Variants in KALRN observed in about 807,000 individuals in gnomAD.
KALRN encodes kalirin.
A neutral mutation model predicts 353.7 loss-of-function variants in KALRN; 70 were observed. The ratio of observed to expected loss-of-function variants is 0.20; its 90% confidence interval spans 0.16 to 0.24. KALRN has a LOEUF of 0.24. Among genes scored for constraint, KALRN ranks in the 10% least tolerant of loss-of-function variants. The pLI is 1.00. For missense variants in KALRN, 2,791 were observed against 3,756.7 expected (o/e 0.74, Z 6.72); for synonymous variants, 1,391 against 1,434.8 (o/e 0.97, Z 0.69).
intron 5 of KALRN, among the ~76,000 whole-genome samples, chr3:124,290,299 A>G (rs1368993007): frequency 2.6e-5 from 4 of 152,178 alleles, no homozygotes; most frequent in Non-Finnish European, 5.9e-5. Context: ...TTCAGAAAGG[A>G]CTGCATCTGA....
intron 1 of KALRN, among the ~76,000 whole-genome samples, chr3:124,221,479 C>T (rs767480187): frequency 1.2e-4 from 19 of 152,242 alleles, no homozygotes; most frequent in Middle Eastern, 3.4e-3. Flanking sequence ...GGGGAGTAAA[C>T]GAAAACACAT....
At chr3:124,064,017 A>C (rs886874571) in intron 1 of KALRN, among the ~76,000 whole-genome samples, 3 of 152,192 alleles carry the variant, frequency 2.0e-5, no homozygotes, top group Non-Finnish European at 2.9e-5. Flanking sequence ...GATTTTAGAC[A>C]ATTGTTAGAA....
chr3:124,643,985 A>G (rs536895509), intron 37 of KALRN, among the ~76,000 whole-genome samples: 4 of 152,342 alleles, frequency 2.6e-5, no homozygotes, highest in African/African-American at 7.2e-5. Flanking sequence ...ATTAGTACCT[A>G]AAGAGTAGCT....
At chr3:124,453,153 G>A (rs1044217712) in intron 21 of KALRN, among the ~76,000 whole-genome samples, 9 of 152,186 alleles carry the variant, frequency 5.9e-5, no homozygotes, top group African/African-American at 2.2e-4. Context: ...GAATCAAGTA[G>A]ATTCTATTTT....
intron 10 of KALRN, among the ~76,000 whole-genome samples, chr3:124,349,720 T>TA (rs916205819): frequency 4.0e-4 from 59 of 147,024 alleles, no homozygotes; most frequent in African/African-American, 4.7e-4. Flanking sequence ...TTTACCACAA[T>TA]AAAAAAAAAA....
chr3:124,346,773 A>G (rs2082302555), intron 9 of KALRN, among the ~76,000 whole-genome samples: 1 of 152,190 alleles, frequency 6.6e-6, no homozygotes, highest in Non-Finnish European at 1.5e-5. Context: ...TACTGCCCAA[A>G]CTGCTACTAC....
intron 10 of KALRN, among the ~76,000 whole-genome samples, chr3:124,371,824 G>C (rs201379177): frequency 6.6e-6 from 1 of 152,246 alleles, no homozygotes; most frequent in East Asian, 1.9e-4. Flanking sequence ...GTTGTTTTAA[G>C]ATATACAATA....
chr3:124,685,946 C>T (rs1227793468), intron 51 of KALRN, among the ~76,000 whole-genome samples: 1 of 152,166 alleles, frequency 6.6e-6, no homozygotes, highest in Non-Finnish European at 1.5e-5. Context: ...CAACCCCACC[C>T]CCATGCTGTC....
intron 34 of KALRN, among the ~76,000 whole-genome samples, chr3:124,566,629 C>G (rs1379939566): frequency 1.3e-5 from 2 of 152,228 alleles, no homozygotes; most frequent in East Asian, 1.9e-4. Flanking sequence ...CTTTCCCTGT[C>G]TCTCTGGGGT....
intron 34 of KALRN, among the ~76,000 whole-genome samples, chr3:124,623,399 T>TACACACAC (rs372330681): frequency 8.9e-4 from 122 of 136,510 alleles, no homozygotes; most frequent in East Asian, 5.2e-3. Flanking sequence ...TATTTATTTA[T>TACACACAC]ACACACACAC....
rs532237568 is a variant in KALRN at position 124,425,465 on chromosome 3, T to C, written c.2709+2487T>C. On this transcript the variant is annotated intron_variant, in intron 15 of 59. Transcript: ENST00000682506. ...GGTTTTCCTGACCTCAGCAGTACCA[T>C]GTATGAGAGGATAGGAGCAGGCATG... is the stretch of plus-strand genomic sequence containing the variant. Among the ~76,000 whole-genome samples the C allele has an allele frequency of 2.0e-5, 3 of 152,264 alleles. No homozygotes were observed. In the South Asian group the frequency reaches 6.2e-4, roughly 32 times the overall value.
At chr3:124,270,824 G>GT (rs777615656) in intron 5 of KALRN, among the ~76,000 whole-genome samples, 13,116 of 77,350 alleles carry the variant, frequency 0.17, 1,565 homozygotes, top group Non-Finnish European at 0.24. Flanking sequence ...TTTTTGTTTT[G>GT]TTTTTTTTTT....
intron 29 of KALRN, 106 bp downstream of exon 29, chr3:124,488,421 AAG>A (rs2062789217): frequency 1.3e-6 from 1 of 763,156 alleles, no homozygotes; most frequent in Admixed American, 2.1e-5. Flanking sequence ...GCAAGGCTGG[AAG>A]AGAGAAGAAA....
At chr3:124,524,992 T>C (rs1430250594) in intron 33 of KALRN, among the ~76,000 whole-genome samples, 1 of 152,182 alleles carries the variant, frequency 6.6e-6, no homozygotes. Context: ...GCTTCGTGAA[T>C]AGAATCACAA....
intron 1 of KALRN, among the ~76,000 whole-genome samples, chr3:124,054,408 G>A: frequency 2.6e-5 from 1 of 37,972 alleles, no homozygotes; most frequent in Non-Finnish European, 9.8e-5. Flanking sequence ...AGAAGCCTCT[G>A]GAGGCAAATG....
At chr3:124,159,091 C>T (rs1310966857) in intron 1 of KALRN, among the ~76,000 whole-genome samples, 1 of 152,046 alleles carries the variant, frequency 6.6e-6, no homozygotes, top group Non-Finnish European at 1.5e-5. Flanking sequence ...GGGGTCTTCT[C>T]ATAGTCCCCT....
chr3:124,555,742 T>C (rs2071167046), intron 33 of KALRN, among the ~76,000 whole-genome samples: 1 of 152,178 alleles, frequency 6.6e-6, no homozygotes, highest in South Asian at 2.1e-4. Context: ...TCATGGAATT[T>C]ATTCACTCGC....
intron 45 of KALRN, among the ~76,000 whole-genome samples, chr3:124,664,354 T>TGCGC (rs2085280809): frequency 8.3e-6 from 1 of 120,182 alleles, no homozygotes; most frequent in Non-Finnish European, 1.7e-5. Flanking sequence ...TGTGTGTGTG[T>TGCGC]GTGTGTGTGT....
At chr3:124,272,138 C>A (rs1332523945) in intron 5 of KALRN, among the ~76,000 whole-genome samples, 1 of 152,010 alleles carries the variant, frequency 6.6e-6, no homozygotes, top group Non-Finnish European at 1.5e-5. Flanking sequence ...CATATGTATC[C>A]CTTGAATCTA....
Sources: allele counts gnomAD v4.1 joint callset (sites outside exome capture counted in the v4.1 genomes callset), GRCh38; gene constraint gnomAD v4.1.1; transcripts MANE v1.5; gene names NCBI Gene and HGNC (gene_info 2026-07-23, HGNC 2026-07-21).